RSPO3: variants seen among roughly 807,000 people sequenced by gnomAD.
RSPO3 encodes R-spondin-3.
RSPO3 carries 17 observed loss-of-function variants against 36.5 expected under a neutral mutation model. The ratio of observed to expected loss-of-function variants is 0.47; its 90% CI spans 0.32 to 0.70. The LOEUF (loss-of-function observed/expected upper bound fraction) is 0.70, where lower values mean the gene tolerates loss of function less well. Ranked by LOEUF, RSPO3 falls within the 30% of genes least tolerant of loss-of-function variation. RSPO3 has a pLI of 0.04. For synonymous variants in RSPO3, 108 were observed against 107.0 expected (o/e 1.01, Z -0.06); for missense variants, 294 against 322.5 (o/e 0.91, Z 0.68).
chr6:127,183,971 G>A (rs182890114), intron 4 of RSPO3, among the ~76,000 whole-genome samples: 8 of 151,978 alleles, frequency 5.3e-5, no homozygotes, highest in African/African-American at 9.6e-5. Context: ...TTCATATGGC[G>A]GAAGGAAGAG....
chr6:127,163,575 C>T (rs1228838303), intron 4 of RSPO3, among the ~76,000 whole-genome samples: 4 of 152,046 alleles, frequency 2.6e-5, no homozygotes, highest in African/African-American at 9.7e-5. Flanking sequence ...CTTCTACATG[C>T]CCTTCTCTTT....
At chr6:127,136,818 G>C (rs544624611) in intron 1 of RSPO3, among the ~76,000 whole-genome samples, 2 of 152,158 alleles carry the variant, frequency 1.3e-5, no homozygotes, top group East Asian at 3.9e-4. Context: ...AATTCCTTTG[G>C]ATTTGACAAG....
At chr6:127,124,509 AT>A (rs972850909) in intron 1 of RSPO3, among the ~76,000 whole-genome samples, 63 of 148,666 alleles carry the variant, frequency 4.2e-4, no homozygotes, top group South Asian at 3.4e-3. Flanking sequence ...ATGTGCTGGC[AT>A]TTTTTTTTTG....
intron 4 of RSPO3, among the ~76,000 whole-genome samples, chr6:127,173,332 T>G (rs1363481122): frequency 6.6e-6 from 1 of 151,894 alleles, no homozygotes; most frequent in Non-Finnish European, 1.5e-5. Flanking sequence ...TAAATGGTTA[T>G]GTTAGTGCTA....
intron 4 of RSPO3, among the ~76,000 whole-genome samples, chr6:127,157,511 C>G (rs937483766): frequency 3.3e-5 from 5 of 151,958 alleles, no homozygotes; most frequent in Admixed American, 1.3e-4. Context: ...AACAACATCA[C>G]AAGAAGTTTG....
intron 4 of RSPO3, among the ~76,000 whole-genome samples, chr6:127,157,830 T>C (rs937468524): frequency 1.3e-5 from 2 of 151,832 alleles, no homozygotes; most frequent in African/African-American, 4.8e-5. Flanking sequence ...TTTCTCTCTT[T>C]GTTATTTCTC....
intron 1 of RSPO3, among the ~76,000 whole-genome samples, chr6:127,146,491 GTTTT>G (rs962395706): frequency 6.6e-5 from 10 of 152,146 alleles, no homozygotes; most frequent in African/African-American, 2.4e-4. Context: ...TCAAAACCTA[GTTTT>G]TAAAATAAAA....
intron 1 of RSPO3, among the ~76,000 whole-genome samples, chr6:127,147,692 C>A (rs1000302666): frequency 6.6e-6 from 1 of 152,132 alleles, no homozygotes; most frequent in Non-Finnish European, 1.5e-5. Context: ...ATATTCATTT[C>A]TGTTTGTTCA....
At chr6:127,144,643 G>GTTTTTTTTTTTTTTTTTTTTTTTTT (rs56388820) in intron 1 of RSPO3, among the ~76,000 whole-genome samples, 4 of 99,122 alleles carry the variant, frequency 4.0e-5, no homozygotes, top group African/African-American at 8.3e-5. Flanking sequence ...GCTTCCCCTT[G>GTTTTTTTTTTTTTTTTTTTTTTTTT]TTTTTTTTTT....
chr6:127,131,508 T>C (rs972495200), intron 1 of RSPO3, among the ~76,000 whole-genome samples: 1 of 152,060 alleles, frequency 6.6e-6, no homozygotes, highest in African/African-American at 2.4e-5. Flanking sequence ...TAAGAACACA[T>C]TCAAATGAAA....
At chr6:127,142,881 G>T (rs1356707166) in intron 1 of RSPO3, among the ~76,000 whole-genome samples, 1 of 151,610 alleles carries the variant, frequency 6.6e-6, no homozygotes, top group Non-Finnish European at 1.5e-5. Context: ...CAATGGTACA[G>T]TCTTGGCTCA....
chr6:127,126,568 T>C (rs565746651), intron 1 of RSPO3, among the ~76,000 whole-genome samples: 87 of 152,214 alleles, frequency 5.7e-4, no homozygotes, highest in African/African-American at 2.0e-3. Flanking sequence ...AGAAGTCTTC[T>C]TACCTGTGGA....
chr6:127,170,303 C>T (rs557709854), intron 4 of RSPO3, among the ~76,000 whole-genome samples: 10 of 151,638 alleles, frequency 6.6e-5, no homozygotes, highest in South Asian at 4.2e-4. Context: ...CCAATTTATA[C>T]AATGGATAAA....
chr6:127,144,806 G>A (rs1249835474), intron 1 of RSPO3, among the ~76,000 whole-genome samples: 3 of 151,842 alleles, frequency 2.0e-5, no homozygotes, highest in African/African-American at 7.3e-5. Flanking sequence ...ATTGTTAGTA[G>A]AGACGGAGTT....
At position 127,159,562 on chromosome 6, in the gene RSPO3, G is replaced by T. The variant is rs370778407; in HGVS notation, c.634+4124G>T. ...TATTACTGTACTATTTGAGTATACTGTAGGTTGCCTTATGTACTTTCTCAA... is the reference window on the plus strand; with the variant it reads ...TATTACTGTACTATTTGAGTATACTTTAGGTTGCCTTATGTACTTTCTCAA... On this transcript the variant is annotated intron_variant, in intron 4 of 4. Coordinates refer to ENST00000356698, the MANE Select transcript of RSPO3 (RefSeq NM_032784.5). Among the ~76,000 whole-genome samples the T allele has an allele frequency of 1.0e-3, 152 of 151,614 alleles. 1 individual carries two copies. In the South Asian group the frequency reaches 0.03, roughly 30 times the overall value.
intron 3 of RSPO3, among the ~76,000 whole-genome samples, chr6:127,150,779 G>A (rs182756830): frequency 2.0e-5 from 3 of 150,008 alleles, no homozygotes; most frequent in East Asian, 2.0e-4. Context: ...AATACAGTAG[G>A]TGCTTCCTTA....
chr6:127,180,707 T>C (rs548519696), intron 4 of RSPO3, among the ~76,000 whole-genome samples: 3 of 151,862 alleles, frequency 2.0e-5, no homozygotes, highest in Admixed American at 2.0e-4. Context: ...CCAAACCAGA[T>C]TAAGGCTGTT....
intron 4 of RSPO3, among the ~76,000 whole-genome samples, chr6:127,176,020 G>C (rs1190072815): frequency 6.6e-6 from 1 of 151,544 alleles, no homozygotes; most frequent in African/African-American, 2.4e-5. Flanking sequence ...ATGTGCCTTT[G>C]GATGCTCTGT....
intron 1 of RSPO3, among the ~76,000 whole-genome samples, chr6:127,121,262 C>A (rs551247861): frequency 5.9e-5 from 9 of 152,310 alleles, no homozygotes; most frequent in African/African-American, 2.2e-4. Flanking sequence ...CCTCCCCCAG[C>A]GAGGACCACG....
Sources: allele counts gnomAD v4.1 joint callset (sites outside exome capture counted in the v4.1 genomes callset), GRCh38; gene constraint gnomAD v4.1.1; transcripts MANE v1.5; gene names NCBI Gene and HGNC (gene_info 2026-07-23, HGNC 2026-07-21).